The following LRRTM4 variants were observed in gnomAD, a reference collection of about 807,000 sequenced individuals.
LRRTM4 encodes leucine-rich repeat transmembrane neuronal protein 4.
In LRRTM4, 25 loss-of-function variants were observed where a neutral mutation model predicts 47.6. The ratio of observed to expected loss-of-function variants is 0.53; its 90% CI spans 0.38 to 0.73. The LOEUF is 0.73. Ranked by LOEUF, LRRTM4 falls within the 30% of genes least tolerant of loss-of-function variation. The probability of loss-of-function intolerance (pLI) is 0.00; values close to 1 mark genes in which losing one functional copy is unlikely to be tolerated. For synonymous variants in LRRTM4, 311 were observed against 269.5 expected (o/e 1.15, Z -1.51); for missense variants, 638 against 713.4 (o/e 0.89, Z 1.20).
rs59430158 is a variant in LRRTM4, at chr2:77,430,721, C to CA, written c.1551+87596dup. ...GGGCAACAAGAGTGAAACTCTGTCTCAAAAAAAAAAAAAGAAAAAAGAAAA... is the reference window on the plus strand; with the variant it reads ...GGGCAACAAGAGTGAAACTCTGTCTCAAAAAAAAAAAAAAGAAAAAAGAAAA... On this transcript the variant is annotated intron_variant, in intron 3 of 3. Transcript: ENST00000409884. Among the ~76,000 whole-genome samples the CA allele has an allele frequency of 5.2e-3, 634 of 122,242 alleles. 36 individuals carry two copies. The highest frequency in any genetic ancestry group is 0.011 in the African/African-American group (319 of 28,872). The allele number at this position is 122,242 out of a possible 152,430, so 80.2% of individuals were successfully genotyped here.
At chr2:77,513,058 T>C (rs1031712034) in intron 3 of LRRTM4, among the ~76,000 whole-genome samples, 1 of 152,320 alleles carries the variant, frequency 6.6e-6, no homozygotes, top group East Asian at 1.9e-4. Context: ...AATCGATTTT[T>C]TAAAAAGCAG....
intron 3 of LRRTM4, among the ~76,000 whole-genome samples, chr2:77,130,244 T>G (rs891877073): frequency 6.6e-6 from 1 of 152,168 alleles, no homozygotes; most frequent in Non-Finnish European, 1.5e-5. Flanking sequence ...GCATGTATTA[T>G]TCACTCCATG....
chr2:77,337,661 T>A (rs1313911678), intron 3 of LRRTM4, among the ~76,000 whole-genome samples: 2 of 152,094 alleles, frequency 1.3e-5, no homozygotes, highest in African/African-American at 4.8e-5. Flanking sequence ...TCCACCATGA[T>A]TGTAAGTTTC....
chr2:76,929,711 T>C (rs760078046), intron 3 of LRRTM4, among the ~76,000 whole-genome samples: 1 of 152,148 alleles, frequency 6.6e-6, no homozygotes, highest in African/African-American at 2.4e-5. Flanking sequence ...GCCCTTTCTG[T>C]ATAATAAAAT....
chr2:77,399,881 TAGA>T (rs1320586182), intron 3 of LRRTM4, among the ~76,000 whole-genome samples: 12 of 151,844 alleles, frequency 7.9e-5, no homozygotes. Flanking sequence ...TTCGTTCACT[TAGA>T]AGCAGTTAAA....
intron 3 of LRRTM4, among the ~76,000 whole-genome samples, chr2:77,163,075 CT>C (rs1672777926): frequency 6.6e-6 from 1 of 151,996 alleles, no homozygotes; most frequent in African/African-American, 2.4e-5. Flanking sequence ...AGTTAAAACC[CT>C]TGAAAAAAGA....
At chr2:77,259,526 G>A (rs896981294) in intron 3 of LRRTM4, among the ~76,000 whole-genome samples, 3 of 151,982 alleles carry the variant, frequency 2.0e-5, no homozygotes, top group African/African-American at 4.8e-5. Context: ...ACTCACTTTC[G>A]TGGGAAATCT....
chr2:77,033,566 T>A (rs1573478127), intron 3 of LRRTM4, among the ~76,000 whole-genome samples: 1 of 151,930 alleles, frequency 6.6e-6, no homozygotes, highest in East Asian at 1.9e-4. Context: ...AAAACAGTAT[T>A]TTAAAAATTC....
intron 3 of LRRTM4, among the ~76,000 whole-genome samples, chr2:77,345,964 C>T (rs748345390): frequency 6.6e-6 from 1 of 151,082 alleles, no homozygotes; most frequent in Non-Finnish European, 1.5e-5. Context: ...GTCCAAATAC[C>T]CTTTCTGACT....
chr2:77,062,250 C>T (rs1679810527), intron 3 of LRRTM4, among the ~76,000 whole-genome samples: 1 of 152,046 alleles, frequency 6.6e-6, no homozygotes, highest in Admixed American at 6.5e-5. Context: ...TAAAATCTAC[C>T]AAAATGGAAA....
intron 3 of LRRTM4, among the ~76,000 whole-genome samples, chr2:77,226,630 ATGT>A (rs1437541804): frequency 6.6e-6 from 1 of 151,396 alleles, no homozygotes; most frequent in Non-Finnish European, 1.5e-5. Flanking sequence ...AAATTATATA[ATGT>A]TGTCTCAAAA....
chr2:76,781,992 C>G (rs1416738791), intron 3 of LRRTM4, among the ~76,000 whole-genome samples: 3 of 152,116 alleles, frequency 2.0e-5, no homozygotes, highest in African/African-American at 4.8e-5. Flanking sequence ...AATTGTCAAA[C>G]CATCCTTTGC....
At chr2:77,413,515 C>T (rs989023646) in intron 3 of LRRTM4, among the ~76,000 whole-genome samples, 2 of 152,112 alleles carry the variant, frequency 1.3e-5, no homozygotes, top group Non-Finnish European at 2.9e-5. Context: ...CTATTCTGGA[C>T]CAATCATTGT....
At chr2:77,040,528 T>G (rs1348827) in intron 3 of LRRTM4, among the ~76,000 whole-genome samples, 81,062 of 151,136 alleles carry the variant, frequency 0.54, 24,306 homozygotes, top group African/African-American at 0.81. Flanking sequence ...GCCCTACTCA[T>G]AAGTGCTAGT....
chr2:76,987,917 C>A (rs561800178), intron 3 of LRRTM4, among the ~76,000 whole-genome samples: 1 of 151,750 alleles, frequency 6.6e-6, no homozygotes, highest in African/African-American at 2.4e-5. Flanking sequence ...TTGGTGAGTA[C>A]TAATAATGAT....
intron 3 of LRRTM4, among the ~76,000 whole-genome samples, chr2:77,239,997 C>T (rs1160782757): frequency 6.6e-6 from 1 of 151,594 alleles, no homozygotes; most frequent in African/African-American, 2.4e-5. Flanking sequence ...CAAGTGCATG[C>T]ACATGTAACA....
intron 3 of LRRTM4, among the ~76,000 whole-genome samples, chr2:76,979,840 C>T (rs1477219342): frequency 6.6e-6 from 1 of 151,888 alleles, no homozygotes; most frequent in African/African-American, 2.4e-5. Context: ...GTTTAGATTC[C>T]TATCTGGTTT....
intron 3 of LRRTM4, among the ~76,000 whole-genome samples, chr2:77,212,718 T>G (rs1674330485): frequency 6.6e-6 from 1 of 152,164 alleles, no homozygotes; most frequent in South Asian, 2.1e-4. Flanking sequence ...TGCTCCTCAC[T>G]TTATACCAAG....
intron 3 of LRRTM4, among the ~76,000 whole-genome samples, chr2:76,962,491 C>A (rs537553191): frequency 1.3e-5 from 2 of 150,584 alleles, no homozygotes; most frequent in South Asian, 2.1e-4. Context: ...TACTATTATG[C>A]TAATAAATAA....
Sources: allele counts gnomAD v4.1 joint callset (sites outside exome capture counted in the v4.1 genomes callset), GRCh38; gene constraint gnomAD v4.1.1; transcripts MANE v1.5; gene names NCBI Gene and HGNC (gene_info 2026-07-23, HGNC 2026-07-21).